The following DNASE1 variants were observed in gnomAD, a reference collection of about 807,000 sequenced individuals.
DNASE1 encodes the protein deoxyribonuclease 1.
In DNASE1, 40 loss-of-function variants were observed where a neutral mutation model predicts 33.9. The observed-to-expected ratio is 1.18, with a 90% CI of 0.92 to 1.54. DNASE1 has a LOEUF of 1.54. DNASE1 is among the 40% of genes most tolerant of loss of function. The pLI is 0.00. For synonymous variants in DNASE1, 216 were observed against 160.0 expected (o/e 1.35, Z -2.64); for missense variants, 518 against 372.6 (o/e 1.39, Z -3.21).
At chr16:3,613,144 C>G (rs1034215751) in intron 1 of DNASE1, among the ~76,000 whole-genome samples, 3 of 152,056 alleles carry the variant, frequency 2.0e-5, no homozygotes, top group Admixed American at 6.6e-5. Context: ...GCAATTCCCC[C>G]GACCCCATCC....
chr16:3,639,659 T>C (rs1420869700), upstream of DNASE1, among the ~76,000 whole-genome samples: 3 of 152,260 alleles, frequency 2.0e-5, no homozygotes, highest in Admixed American at 2.0e-4. Context: ...ATAATTCTTA[T>C]GCTAAACTTC....
chr16:3,612,254 GTTGT>G (rs1225623268), intron 1 of DNASE1, among the ~76,000 whole-genome samples: 3 of 152,120 alleles, frequency 2.0e-5, no homozygotes, highest in Non-Finnish European at 4.4e-5. Context: ...AAGGTTTTTT[GTTGT>G]TTGTTTTTTG....
chr16:3,658,105 T>A (rs1425428465), downstream of DNASE1: 4 of 1,611,772 alleles, frequency 2.5e-6, no homozygotes, highest in African/African-American at 5.3e-5. Flanking sequence ...ATCTGTGGTG[T>A]CAGTCCTTCT....
chr16:3,659,749 TTAGATAGATAGATAGATAGATAGA>T (rs3068078), downstream of DNASE1: 1 of 140,244 alleles, frequency 7.1e-6, no homozygotes, highest in Non-Finnish European at 1.6e-5. Flanking sequence ...ACTTTTTTTT[TTAGATAGATAGATAGATAGATAGA>T]TAGATAGACT....
chr16:3,645,020 G>T (rs943740771), intron 1 of DNASE1, among the ~76,000 whole-genome samples: 7 of 151,716 alleles, frequency 4.6e-5, no homozygotes, highest in Admixed American at 4.6e-4. Context: ...GTCGGTCCCA[G>T]CTTCTTGGGA....
chr16:3,631,208 T>C (rs1022674975), intron 1 of DNASE1, among the ~76,000 whole-genome samples: 1 of 151,730 alleles, frequency 6.6e-6, no homozygotes, highest in Non-Finnish European at 1.5e-5. Flanking sequence ...GTTTTTTTGT[T>C]GGTTTTGTTT....
At chr16:3,649,957 A>C (rs1465812636), upstream of DNASE1, among the ~76,000 whole-genome samples, 2 of 152,108 alleles carry the variant, frequency 1.3e-5, no homozygotes, top group Non-Finnish European at 2.9e-5. Context: ...GAGTTTTCGT[A>C]TGTGGGAGCT....
rs201942334 is a variant in DNASE1, at chr16:3,657,060, C to G, written c.498C>G (p.Ile166Met). ...HAAPGDAVAE[I>M]DALYDVYLDV... is the part of the protein sequence containing the mutation. The stretch of plus-strand genomic sequence containing the variant: ...CCCCGGGGGACGCAGTAGCCGAGAT[C>G]GACGCTCTCTATGACGTCTACCTGG... The change falls in exon 6 of 9, where the codon ATC becomes ATG. Residue 166 changes from isoleucine to methionine, a missense_variant. Ile to Met is a conservative substitution (Grantham distance 10). Coordinates refer to ENST00000246949, the MANE Select transcript of DNASE1 (RefSeq NM_005223.4). The G allele has an allele frequency of 7.1e-5, 115 of 1,613,984 alleles. 1 individual carries two copies. In the South Asian group the frequency reaches 1.1e-3, roughly 15 times the overall value.
chr16:3,659,784 C>T (rs928273712), downstream of DNASE1: 5 of 150,530 alleles, frequency 3.3e-5, no homozygotes, highest in Admixed American at 6.6e-5. Context: ...TAGATAGACT[C>T]TCACTCCTTC....
intron 1 of DNASE1, among the ~76,000 whole-genome samples, chr16:3,619,890 T>C (rs906734937): frequency 9.9e-5 from 15 of 151,902 alleles, no homozygotes; most frequent in Middle Eastern, 3.4e-3. Context: ...GTTATAAATA[T>C]AACGAAAATT....
intron 1 of DNASE1, among the ~76,000 whole-genome samples, chr16:3,629,493 T>A (rs984233526): frequency 1.3e-5 from 2 of 152,180 alleles, no homozygotes; most frequent in Non-Finnish European, 2.9e-5. Flanking sequence ...TGCTAGTATT[T>A]GTAGAGGATT....
At chr16:3,662,663 C>G (rs753563825), downstream of DNASE1, 157 of 688,684 alleles carry the variant, frequency 2.3e-4, no homozygotes, top group Non-Finnish European at 3.8e-4. Flanking sequence ...TTCACACCTG[C>G]TCTGGAGCAG....
In DNASE1 at chr16:3,657,220, TGCA is replaced by T. The variant is rs751121067; in HGVS notation, c.586_588del (p.Ser196del). 1.2e-6 allele frequency: 2 copies of T among 1,614,044 alleles called. No individual in the cohort carries two copies. Among genetic ancestry groups the T allele is most frequent in the South Asian group, 2.2e-5 (2 of 91,092 alleles). ...GTTGATGGGCGACTTCAATGCGGGC[TGCA>T]GCTATGTGAGACCCTCCCAGTGGTC... On this transcript the variant is annotated inframe_deletion, in exon 7 of 9. Transcript: ENST00000246949.
chr16:3,643,204 C>T (rs2042073392), intron 1 of DNASE1, among the ~76,000 whole-genome samples: 2 of 152,184 alleles, frequency 1.3e-5, no homozygotes, highest in South Asian at 2.1e-4. Flanking sequence ...GCTGCCGAGG[C>T]GGCTGGACCT....
upstream of DNASE1, chr16:3,640,591 C>G: frequency 2.5e-6 from 1 of 397,536 alleles, no homozygotes; most frequent in Non-Finnish European, 4.4e-6. Context: ...GTTGCTGCAT[C>G]CTACATGAGT....
chr16:3,657,623 C>A, intron 7 of DNASE1, 97 bp from the exon 8 acceptor site: 1 of 1,522,072 alleles, frequency 6.6e-7, no homozygotes, highest in Non-Finnish European at 8.9e-7. Context: ...CAGACCTGCA[C>A]TGGCAGGTCC....
At chr16:3,646,298 G>A (rs1428834133) in intron 1 of DNASE1, among the ~76,000 whole-genome samples, 2 of 152,220 alleles carry the variant, frequency 1.3e-5, no homozygotes, top group South Asian at 2.1e-4. Flanking sequence ...GCTGTGGAGC[G>A]CCTCCTCTGC....
At chr16:3,640,451 G>A (rs1476720111), upstream of DNASE1, among the ~76,000 whole-genome samples, 1 of 152,186 alleles carries the variant, frequency 6.6e-6, no homozygotes, top group African/African-American at 2.4e-5. Context: ...CCCGCCTCCT[G>A]GCTGTAATTG....
downstream of DNASE1, chr16:3,661,021 T>C (rs2043045352): frequency 6.6e-6 from 1 of 152,206 alleles, no homozygotes. Context: ...GTAACATGTT[T>C]ATGTAACTTC....
Sources: allele counts gnomAD v4.1 joint callset (sites outside exome capture counted in the v4.1 genomes callset), GRCh38; gene constraint gnomAD v4.1.1; transcripts MANE v1.5; gene names NCBI Gene and HGNC (gene_info 2026-07-23, HGNC 2026-07-21).